NRG3: variants seen among roughly 807,000 people sequenced by gnomAD.
NRG3 encodes the protein pro-neuregulin-3, membrane-bound isoform.
Under a neutral mutation model 66.9 loss-of-function variants are expected in NRG3, and 31 were observed. The observed-to-expected ratio is 0.46, with a 90% confidence interval of 0.35 to 0.63. The LOEUF is 0.63. Ranked by LOEUF, NRG3 falls within the 20% of genes least tolerant of loss-of-function variation. NRG3 has a pLI of 0.00. For missense variants in NRG3, 910 were observed against 878.9 expected, an observed-to-expected ratio of 1.04 and a Z score of -0.45; for synonymous variants, 393 against 359.4, an observed-to-expected ratio of 1.09 and a Z score of -1.06.
intron 1 of NRG3, among the ~76,000 whole-genome samples, chr10:82,334,613 C>A (rs2082297514): frequency 6.6e-6 from 1 of 152,110 alleles, no homozygotes; most frequent in African/African-American, 2.4e-5. Flanking sequence ...GTTTACTTTG[C>A]AGTTAATTAC....
intron 3 of NRG3, among the ~76,000 whole-genome samples, chr10:82,837,555 A>G (rs1244959934): frequency 2.0e-5 from 3 of 152,206 alleles, no homozygotes; most frequent in African/African-American, 7.2e-5. Flanking sequence ...GTTAACGATC[A>G]CTACCTGATA....
chr10:82,511,803 G>T (rs1845191062), intron 2 of NRG3, among the ~76,000 whole-genome samples: 1 of 151,860 alleles, frequency 6.6e-6, no homozygotes, highest in African/African-American at 2.4e-5. Context: ...GATCATGTCA[G>T]GAAACTATCA....
intron 1 of NRG3, among the ~76,000 whole-genome samples, chr10:82,041,348 T>C (rs2063027364): frequency 6.6e-6 from 1 of 152,034 alleles, no homozygotes; most frequent in Non-Finnish European, 1.5e-5. Flanking sequence ...CCATCAGTTC[T>C]AGAGCCCACT....
At position 81,946,812 on chromosome 10, in the gene NRG3, A is replaced by G. The variant is rs959221462; in HGVS notation, c.823+70649A>G. Among the ~76,000 whole-genome samples, 3 of 152,160 alleles carry G rather than the reference A, an allele frequency of 2.0e-5. No homozygotes were observed. In the South Asian group the frequency reaches 6.2e-4, roughly 32 times the overall value. ...CAGACTTCTTCATGAATTTTGAGTTATGCTTGGAAAATATCTTGCAGTTCA... is the reference window on the plus strand; with the variant it reads ...CAGACTTCTTCATGAATTTTGAGTTGTGCTTGGAAAATATCTTGCAGTTCA... On this transcript the variant is annotated intron_variant, in intron 1 of 8. Transcript: ENST00000372141.
intron 4 of NRG3, among the ~76,000 whole-genome samples, chr10:82,911,050 TA>T (rs1845272232): frequency 6.6e-6 from 1 of 152,226 alleles, no homozygotes; most frequent in Non-Finnish European, 1.5e-5. Flanking sequence ...TGTCATTCTT[TA>T]AATAGGGTAG....
At chr10:82,148,315 T>C (rs1264910146) in intron 1 of NRG3, among the ~76,000 whole-genome samples, 1 of 152,114 alleles carries the variant, frequency 6.6e-6, no homozygotes, top group East Asian at 1.9e-4. Flanking sequence ...CTGGGCAACA[T>C]AGCAAGACCC....
At chr10:82,314,704 A>G (rs1053486128) in intron 1 of NRG3, among the ~76,000 whole-genome samples, 11 of 152,080 alleles carry the variant, frequency 7.2e-5, no homozygotes, top group Admixed American at 3.9e-4. Flanking sequence ...CAGCTACTCC[A>G]GAGGCTGAGG....
At chr10:82,076,261 G>A (rs539340483) in intron 1 of NRG3, among the ~76,000 whole-genome samples, 16 of 152,238 alleles carry the variant, frequency 1.1e-4, no homozygotes, top group South Asian at 6.2e-4. Context: ...TGTGTCCCGC[G>A]TAACTGTAGT....
In NRG3 at chr10:82,074,059, A is replaced by AT. The variant is rs202056322; in HGVS notation, c.823+197897dup. Reference sequence around the variant, plus strand: ...GAGAGATACAGCAGCATAGCATCAAATAGTGATGAGTTCTCTGAAAAAAAA... The same window carrying AT: ...GAGAGATACAGCAGCATAGCATCAAATTAGTGATGAGTTCTCTGAAAAAAAA... On this transcript the variant is annotated intron_variant, in intron 1 of 8. Coordinates refer to ENST00000372141, the MANE Select transcript of NRG3 (RefSeq NM_001010848.4). 3.2e-3 allele frequency among the ~76,000 whole-genome samples: 484 copies of AT among 152,034 alleles called. 2 individuals are homozygous for AT. The highest frequency in any genetic ancestry group is 0.011 in the African/African-American group (456 of 41,398).
At chr10:82,116,866 G>T (rs966538767) in intron 1 of NRG3, among the ~76,000 whole-genome samples, 1 of 152,006 alleles carries the variant, frequency 6.6e-6, no homozygotes. Context: ...AGATTTCTTC[G>T]GTACTCTTCT....
At chr10:82,622,679 C>T (rs995497578) in intron 2 of NRG3, among the ~76,000 whole-genome samples, 6 of 152,182 alleles carry the variant, frequency 3.9e-5, no homozygotes, top group Admixed American at 6.5e-5. Flanking sequence ...AGCCACAGCT[C>T]CCAGCCAGCC....
At chr10:82,362,349 G>A (rs1043796999) in intron 2 of NRG3, among the ~76,000 whole-genome samples, 49 of 121,374 alleles carry the variant, frequency 4.0e-4, no homozygotes, top group East Asian at 1.4e-3. Context: ...GTGTGTGTGT[G>A]TGTGTGTGTG....
At chr10:82,248,981 T>C (rs1312265963) in intron 1 of NRG3, among the ~76,000 whole-genome samples, 1 of 152,142 alleles carries the variant, frequency 6.6e-6, no homozygotes, top group Non-Finnish European at 1.5e-5. Context: ...GTGCTTTCCT[T>C]CCACCTCCAT....
chr10:82,242,536 A>C (rs1339097710), intron 1 of NRG3, among the ~76,000 whole-genome samples: 2 of 152,184 alleles, frequency 1.3e-5, no homozygotes, highest in African/African-American at 4.8e-5. Flanking sequence ...AATAATAAGA[A>C]AAAAGTCATT....
chr10:81,979,320 A>G (rs1589669389), intron 1 of NRG3, among the ~76,000 whole-genome samples: 1 of 151,958 alleles, frequency 6.6e-6, no homozygotes, highest in Non-Finnish European at 1.5e-5. Context: ...TATGGCTTCC[A>G]CCCTAACAAT....
chr10:82,163,924 T>A (rs937730411), intron 1 of NRG3, among the ~76,000 whole-genome samples: 3 of 119,442 alleles, frequency 2.5e-5, no homozygotes, highest in South Asian at 5.9e-4. Context: ...CTCTTAAAAT[T>A]TTTTTTTTTT....
At chr10:82,138,337 T>C (rs913826729) in intron 1 of NRG3, among the ~76,000 whole-genome samples, 5 of 152,104 alleles carry the variant, frequency 3.3e-5, no homozygotes, top group African/African-American at 9.7e-5. Context: ...AAGAAATAAT[T>C]ATTAGCTAAC....
At chr10:81,940,731 A>G (rs1156374507) in intron 1 of NRG3, among the ~76,000 whole-genome samples, 1 of 151,394 alleles carries the variant, frequency 6.6e-6, no homozygotes, top group Non-Finnish European at 1.5e-5. Flanking sequence ...AATGTAGTCC[A>G]ATTCCAGGTA....
At chr10:82,964,029 C>G (rs1183743956) in intron 6 of NRG3, among the ~76,000 whole-genome samples, 1 of 152,118 alleles carries the variant, frequency 6.6e-6, no homozygotes, top group African/African-American at 2.4e-5. Context: ...TTTAATAGTT[C>G]TAGCCTAAAC....
Sources: gnomAD v4.1 joint callset for allele counts (sites outside exome capture counted in the v4.1 genomes callset) on GRCh38, gnomAD v4.1.1 for gene constraint, MANE v1.5 for transcripts, NCBI Gene and HGNC (gene_info 2026-07-23, HGNC 2026-07-21) for gene names.